The following THOC1 variants were observed in gnomAD, a reference collection of about 807,000 sequenced individuals.
THOC1 encodes THO complex subunit 1, also known as THO complex 1.
THOC1 carries 29 observed loss-of-function variants against 97.3 expected under a neutral mutation model. The observed-to-expected ratio is 0.30, with a 90% CI of 0.22 to 0.41. THOC1 has a LOEUF of 0.41. THOC1 is among the 10% of genes least tolerant of loss of function. THOC1 has a pLI of 1.00. For synonymous variants in THOC1, 255 were observed against 257.0 expected (o/e 0.99, Z 0.07); for missense variants, 529 against 761.9 (o/e 0.69, Z 3.60).
intron 7 of THOC1, among the ~76,000 whole-genome samples, chr18:256,522 T>G (rs1472140433): frequency 6.6e-6 from 1 of 152,224 alleles, no homozygotes; most frequent in East Asian, 1.9e-4. Flanking sequence ...TTCTTACGAA[T>G]GAGCAAAGAA....
intron 11 of THOC1, among the ~76,000 whole-genome samples, chr18:227,677 T>C (rs911460271): frequency 1.3e-5 from 2 of 152,202 alleles, no homozygotes; most frequent in Non-Finnish European, 2.9e-5. Flanking sequence ...ATTCTGATTA[T>C]GTGCATGGAA....
At chr18:262,997 C>T (rs1384973717) in intron 4 of THOC1, among the ~76,000 whole-genome samples, 1 of 152,198 alleles carries the variant, frequency 6.6e-6, no homozygotes, top group Non-Finnish European at 1.5e-5. Context: ...CCGAAGTCTT[C>T]TAAAGCTATC....
chr18:244,571 C>T (rs1912023951), intron 11 of THOC1: 1 of 152,184 alleles, frequency 6.6e-6, no homozygotes, highest in Non-Finnish European at 1.5e-5. Context: ...TGCTAACAGT[C>T]AAACTGCTGT....
intron 10 of THOC1, among the ~76,000 whole-genome samples, chr18:247,051 G>T (rs998299387): frequency 2.0e-5 from 3 of 151,914 alleles, no homozygotes; most frequent in South Asian, 2.1e-4. Context: ...AAACTCTTAC[G>T]CATTTCTTGT....
Position 214,653 on chromosome 18 carries a change from T to C in THOC1, c.1947A>G (p.Leu649=), listed in dbSNP as rs2143123629. 1 of 1,613,560 alleles carries C rather than the reference T, an allele frequency of 6.2e-7. No homozygotes were observed. Among genetic ancestry groups the C allele is most frequent in the Non-Finnish European group, 8.5e-7 (1 of 1,179,630 alleles). Residue 649 remains leucine, a synonymous_variant, in exon 21 of 21, where the codon CTA becomes CTG. Transcript: ENST00000261600. ...AACTATTTGTCTCATTGTCATTAGT[T>C]AGACTTTCTGCAAGGTCACTTAATC... ...KSGLSDLAES[L]TNDNETNS is the part of the protein sequence containing the mutation.
chr18:242,072 CTTCT>C lies in THOC1; in HGVS notation c.918+4248_918+4251del, dbSNP rs902926565. Among the ~76,000 whole-genome samples, 1 of 152,202 alleles carries C rather than the reference CTTCT, an allele frequency of 6.6e-6. No homozygotes were observed. The highest frequency in any genetic ancestry group is 1.5e-5 in the Non-Finnish European group (1 of 68,028). ...TGTGGCACTTTGTTTCTAGGGGAAACTTCTTTCTTTAAGAAGGAAGACACAATAA... is the reference window on the plus strand; with the variant it reads ...TGTGGCACTTTGTTTCTAGGGGAAACTTCTTTAAGAAGGAAGACACAATAA... On this transcript the variant is annotated intron_variant, in intron 11 of 20. Coordinates refer to ENST00000261600, the MANE Select transcript of THOC1 (RefSeq NM_005131.3). The surrounding 1 kb of genome is among the most constrained non-coding windows in gnomAD (Gnocchi z 4.5).
chr18:254,163 CA>C lies in THOC1; in HGVS notation c.603+109del. The C allele has an allele frequency of 1.3e-6, 1 of 753,600 alleles. No homozygotes were observed. Among genetic ancestry groups the C allele is most frequent in the Non-Finnish European group, 2.3e-6 (1 of 440,142 alleles). The allele number at this position is 753,600 out of a possible 1,614,324, so 46.7% of individuals were successfully genotyped here. A position where few individuals can be genotyped will look rare whatever the true frequency, so the allele number is the denominator to read the frequency against. ...CTAGGCTCAAGCGATCTGCCCACCT[CA>C]GCCTCCCAAAGTGCTAGGATTACAA... On this transcript the variant is annotated intron_variant, in intron 8 of 20. Coordinates refer to ENST00000261600, the MANE Select transcript of THOC1 (RefSeq NM_005131.3). This position sits in a 1 kb window ranked among gnomAD's most constrained non-coding sequence, Gnocchi z 4.1.
intron 11 of THOC1, among the ~76,000 whole-genome samples, chr18:239,320 T>A (rs1911816253): frequency 6.6e-6 from 1 of 152,228 alleles, no homozygotes; most frequent in Non-Finnish European, 1.5e-5. Flanking sequence ...TTATTTATTT[T>A]TTGAGACAGA....
chr18:224,862 A>G, intron 15 of THOC1, 62 bp downstream of exon 15: 1 of 1,327,488 alleles, frequency 7.5e-7, no homozygotes, highest in Non-Finnish European at 1.1e-6. Flanking sequence ...CACATTTTCA[A>G]AAGCCTTTCT....
At position 254,387 on chromosome 18, in the gene THOC1, A is replaced by C; in HGVS notation, c.521-32T>G. 7.3e-7 allele frequency: 1 copy of C among 1,367,942 alleles called. No homozygotes were observed. Among genetic ancestry groups the C allele is most frequent in the Non-Finnish European group, 1.0e-6 (1 of 984,394 alleles). The allele number at this position is 1,367,942 out of a possible 1,614,324, so 84.7% of individuals were successfully genotyped here. A position where few individuals can be genotyped will look rare whatever the true frequency, so the allele number is the denominator to read the frequency against. On this transcript the variant is annotated intron_variant, in intron 7 of 20. Transcript: ENST00000261600. This position sits in a 1 kb window ranked among gnomAD's most constrained non-coding sequence, Gnocchi z 4.1. ...AAAAAACAAAAAAAAGATGCAAAGC[A>C]AGTCCAGTGACACCTAAACTTATGT...
At chr18:260,364 T>C (rs117609276) in intron 4 of THOC1, 60 bp from the exon 5 acceptor site, 315 of 1,061,556 alleles carry the variant, frequency 3.0e-4, no homozygotes, top group Non-Finnish European at 4.0e-4. Context: ...GAATAGCCTA[T>C]GAAAAATAAT....
At chr18:249,917 G>C (rs1332665814) in intron 9 of THOC1, among the ~76,000 whole-genome samples, 1 of 152,146 alleles carries the variant, frequency 6.6e-6, no homozygotes, top group African/African-American at 2.4e-5. Flanking sequence ...AGGAAAGTTT[G>C]TCTCTTAAAA....
rs1412827391 is a variant in THOC1 at position 246,271 on chromosome 18, A to T, written c.918+53T>A. 3 of 1,346,512 alleles carry T rather than the reference A, an allele frequency of 2.2e-6. No homozygotes were observed. In the African/African-American group the frequency reaches 4.5e-5, roughly 20 times the overall value. 83.4% of individuals were successfully genotyped at this position (1,346,512 alleles called of 1,614,324 possible). A position where few individuals can be genotyped will look rare whatever the true frequency, so the allele number is the denominator to read the frequency against. ...CTTAGAAAGGCTGTCAGCTAAACGG[A>T]AATAAAACAAGACCATTTCTTATTA... On this transcript the variant is annotated intron_variant, in intron 11 of 20. Transcript: ENST00000261600.
At position 254,945 on chromosome 18, in the gene THOC1, A is replaced by G. The variant is rs1458025226; in HGVS notation, c.521-590T>C. ...ATCCTCCCACCTCAGCCTCCTGAGT[A>G]GCTGGGACTACAGGCAAGCACCACC... is the stretch of plus-strand genomic sequence containing the variant. On this transcript the variant is annotated intron_variant, in intron 7 of 20. Coordinates refer to ENST00000261600, the MANE Select transcript of THOC1 (RefSeq NM_005131.3). This position sits in a 1 kb window ranked among gnomAD's most constrained non-coding sequence, Gnocchi z 4.1. 6.6e-6 allele frequency among the ~76,000 whole-genome samples: 1 copy of G among 152,048 alleles called. No individual in the cohort carries two copies. The highest frequency in any genetic ancestry group is 1.5e-5 in the Non-Finnish European group (1 of 68,006).
At chr18:246,933 A>C (rs1912113938) in intron 10 of THOC1, among the ~76,000 whole-genome samples, 1 of 151,890 alleles carries the variant, frequency 6.6e-6, no homozygotes, top group South Asian at 2.1e-4. Flanking sequence ...AAAAAAAAAA[A>C]AAACGAAGAA....
chr18:237,242 C>G (rs759737869), intron 11 of THOC1, among the ~76,000 whole-genome samples: 1 of 151,012 alleles, frequency 6.6e-6, no homozygotes, highest in African/African-American at 2.4e-5. Flanking sequence ...TTACTACAAC[C>G]TCTGCCTCCC....
chr18:250,716 C>G (rs370314617), intron 9 of THOC1, among the ~76,000 whole-genome samples: 1 of 152,166 alleles, frequency 6.6e-6, no homozygotes, highest in South Asian at 2.1e-4. Context: ...TAATTCCTCA[C>G]GTATTTTCTC....
Position 214,605 on chromosome 18 carries a change from TAAAAA to T in THOC1, c.*16_*20del, listed in dbSNP as rs767032854. Reference sequence around the variant, plus strand: ...GTAACAAAATCTATCACAGTTTTAATAAAAAGAAAAAAAAAAGAAGCTAACTATTT... The same window carrying T: ...GTAACAAAATCTATCACAGTTTTAATGAAAAAAAAAAGAAGCTAACTATTT... On this transcript the variant is annotated 3_prime_UTR_variant, in exon 21 of 21. Coordinates refer to ENST00000261600, the MANE Select transcript of THOC1 (RefSeq NM_005131.3). The T allele has an allele frequency of 3.2e-6, 5 of 1,579,186 alleles. No homozygotes were observed. Among genetic ancestry groups the T allele is most frequent in the South Asian group, 1.2e-5 (1 of 85,234 alleles).
intron 20 of THOC1, among the ~76,000 whole-genome samples, 156 bp from the exon 21 acceptor site, chr18:215,077 C>T (rs1396972906): frequency 2.0e-5 from 3 of 152,140 alleles, no homozygotes; most frequent in African/African-American, 7.2e-5. Context: ...GAATACCACT[C>T]TTAATAAGCA....
Sources: allele counts gnomAD v4.1 joint callset (sites outside exome capture counted in the v4.1 genomes callset), GRCh38; gene constraint gnomAD v4.1.1; non-coding constraint Gnocchi (gnomAD v3.1); transcripts MANE v1.5; gene names NCBI Gene and HGNC (gene_info 2026-07-23, HGNC 2026-07-21).